Variants in BAZ2B observed in about 807,000 individuals in gnomAD.
BAZ2B encodes bromodomain adjacent to zinc finger domain protein 2B.
A neutral mutation model predicts 246.0 loss-of-function variants in BAZ2B; 91 were observed. The ratio of observed to expected loss-of-function variants is 0.37; its 90% confidence interval spans 0.31 to 0.44. The LOEUF is 0.44. Ranked by LOEUF, BAZ2B falls within the 20% of genes least tolerant of loss-of-function variation. The probability of loss-of-function intolerance (pLI) is 1.00; values close to 1 mark genes in which losing one functional copy is unlikely to be tolerated. For synonymous variants in BAZ2B, 855 were observed against 860.0 expected, an observed-to-expected ratio of 0.99 and a Z score of 0.10; for missense variants, 2,332 against 2,533.7, an observed-to-expected ratio of 0.92 and a Z score of 1.71.
intron 14 of BAZ2B, among the ~76,000 whole-genome samples, chr2:159,411,210 G>T (rs542480064): frequency 1.3e-5 from 2 of 152,286 alleles, no homozygotes; most frequent in African/African-American, 4.8e-5. Context: ...TATTTGTAGA[G>T]ATGGGGTCTT....
intron 1 of BAZ2B, among the ~76,000 whole-genome samples, chr2:159,588,954 TG>T (rs1350359901): frequency 1.7e-4 from 26 of 152,198 alleles, no homozygotes; most frequent in African/African-American, 5.1e-4. Flanking sequence ...AAAGGCAGGC[TG>T]AAGCAGTAAG....
At chr2:159,706,559 T>C in the BAZ2B span, among the ~76,000 whole-genome samples, 69,534 of 152,150 alleles carry the variant, frequency 0.46, 16,755 homozygotes, top group Middle Eastern at 0.64. Flanking sequence ...CACGCACGCG[T>C]GCGCATGTGC....
chr2:159,441,571 G>A (rs1478193825), intron 6 of BAZ2B, among the ~76,000 whole-genome samples: 1 of 152,146 alleles, frequency 6.6e-6, no homozygotes, highest in African/African-American at 2.4e-5. Context: ...GTATATATGT[G>A]TCATTTCCAC....
intron 31 of BAZ2B, among the ~76,000 whole-genome samples, chr2:159,340,981 A>G (rs945872169): frequency 2.6e-5 from 4 of 152,182 alleles, no homozygotes; most frequent in African/African-American, 9.6e-5. Context: ...ACAAAACAAG[A>G]GAAAAGCAAT....
chr2:159,356,775 G>A (rs1051203211), intron 27 of BAZ2B, among the ~76,000 whole-genome samples: 6 of 152,228 alleles, frequency 3.9e-5, no homozygotes, highest in Non-Finnish European at 8.8e-5. Context: ...GGTTCCAGAG[G>A]AAGGAACAGG....
At chr2:159,459,825 A>G (rs2076196679) in intron 3 of BAZ2B, 1 of 152,132 alleles carries the variant, frequency 6.6e-6, no homozygotes, top group Non-Finnish European at 1.5e-5. Flanking sequence ...TATACTTAAT[A>G]TCAACAGATG....
At chr2:159,603,149 A>G (rs1692573243) in intron 1 of BAZ2B, among the ~76,000 whole-genome samples, 1 of 152,238 alleles carries the variant, frequency 6.6e-6, no homozygotes, top group East Asian at 1.9e-4. Flanking sequence ...AAAAACAAAA[A>G]CAAAAACAAA....
chr2:159,553,392 CAAAAA>C (rs35253250), intron 2 of BAZ2B, among the ~76,000 whole-genome samples: 24 of 73,824 alleles, frequency 3.3e-4, no homozygotes, highest in Middle Eastern at 9.8e-3. Flanking sequence ...GACTCTGTCT[CAAAAA>C]AAAAAAAAAA....
chr2:159,666,291 G>A, the BAZ2B span, among the ~76,000 whole-genome samples: 3 of 124,388 alleles, frequency 2.4e-5, no homozygotes, highest in African/African-American at 6.3e-5. Context: ...ACAGGGTCTC[G>A]CTCTGTCGCC....
At chr2:159,447,471 A>G (rs145587811) in intron 5 of BAZ2B, among the ~76,000 whole-genome samples, 3 of 152,376 alleles carry the variant, frequency 2.0e-5, no homozygotes, top group East Asian at 1.9e-4. Flanking sequence ...ATAGTAAATC[A>G]TCTAAAATGT....
At position 159,367,592 on chromosome 2, in the gene BAZ2B, T is replaced by A. The variant is rs184687142; in HGVS notation, c.4213+5453A>T. ...ATACTTTTAAGGAACTTTTAAAAAG[T>A]AATAAATAAGCAGCTGGGCACAGTG... On this transcript the variant is annotated intron_variant, in intron 27 of 36. Coordinates refer to ENST00000392783, the MANE Select transcript of BAZ2B (RefSeq NM_013450.4). 7.1e-4 allele frequency among the ~76,000 whole-genome samples: 108 copies of A among 152,208 alleles called. 1 individual carries two copies. The highest frequency in any genetic ancestry group is 2.1e-3 in the African/African-American group (87 of 41,520).
At chr2:159,359,272 GAT>G (rs2059432975) in intron 27 of BAZ2B, among the ~76,000 whole-genome samples, 2 of 152,152 alleles carry the variant, frequency 1.3e-5, no homozygotes, top group Non-Finnish European at 2.9e-5. Context: ...TGATAAAGTG[GAT>G]ATCACCACTG....
intron 2 of BAZ2B, among the ~76,000 whole-genome samples, chr2:159,530,908 T>C (rs942723747): frequency 2.0e-5 from 3 of 152,154 alleles, no homozygotes; most frequent in Admixed American, 6.6e-5. Flanking sequence ...AGGCAAAGGC[T>C]GCAGTGAGCC....
chr2:159,676,952 T>TTATATATA, the BAZ2B span, among the ~76,000 whole-genome samples: 295 of 117,724 alleles, frequency 2.5e-3, 3 homozygotes, highest in East Asian at 7.4e-3. Context: ...AATAGTTTTG[T>TTATATATA]TATATATATA....
chr2:159,356,048 C>T (rs1021847486), intron 27 of BAZ2B, among the ~76,000 whole-genome samples: 17 of 152,338 alleles, frequency 1.1e-4, no homozygotes, highest in African/African-American at 3.6e-4. Flanking sequence ...GTTTCAAGCA[C>T]AAAACTGGGT....
chr2:159,353,294 G>T (rs2058751818), intron 27 of BAZ2B, among the ~76,000 whole-genome samples: 1 of 152,204 alleles, frequency 6.6e-6, no homozygotes, highest in South Asian at 2.1e-4. Flanking sequence ...TTACCTTCTT[G>T]TATGAAACAA....
intron 27 of BAZ2B, among the ~76,000 whole-genome samples, chr2:159,353,638 C>T (rs926234617): frequency 6.6e-6 from 1 of 152,144 alleles, no homozygotes; most frequent in Non-Finnish European, 1.5e-5. Context: ...ATGTGTGAGG[C>T]TTGGTGAAAA....
At chr2:159,600,930 A>G (rs150873797) in intron 1 of BAZ2B, among the ~76,000 whole-genome samples, 382 of 152,314 alleles carry the variant, frequency 2.5e-3, no homozygotes, top group African/African-American at 8.7e-3. Context: ...CTAAGCAGAC[A>G]AAAGCTCTGA....
At chr2:159,608,672 T>C (rs1694056902) in intron 1 of BAZ2B, among the ~76,000 whole-genome samples, 1 of 152,316 alleles carries the variant, frequency 6.6e-6, no homozygotes, top group African/African-American at 2.4e-5. Context: ...AAATGCCTGA[T>C]ATAATCTCAA....
Sources: allele counts gnomAD v4.1 joint callset (sites outside exome capture counted in the v4.1 genomes callset), GRCh38; gene constraint gnomAD v4.1.1; transcripts MANE v1.5; gene names NCBI Gene and HGNC (gene_info 2026-07-23, HGNC 2026-07-21).